XKR6: variants seen among roughly 807,000 people sequenced by gnomAD.
XKR6 encodes XK-related protein 6.
A neutral mutation model predicts 56.7 loss-of-function variants in XKR6; 22 were observed. The ratio of observed to expected loss-of-function variants is 0.39; its 90% CI spans 0.28 to 0.55. The LOEUF (loss-of-function observed/expected upper bound fraction) is 0.55, where lower values mean the gene tolerates loss of function less well. Among genes scored for constraint, XKR6 ranks in the 20% least tolerant of loss-of-function variants. XKR6 has a pLI of 0.66. For synonymous variants in XKR6, 524 were observed against 387.8 expected (o/e 1.35, Z -4.13); for missense variants, 852 against 889.0 (o/e 0.96, Z 0.53).
chr8:11,097,821 A>AAAAAG (rs1798316493), intron 1 of XKR6, among the ~76,000 whole-genome samples: 1 of 151,344 alleles, frequency 6.6e-6, no homozygotes, highest in Non-Finnish European at 1.5e-5. Flanking sequence ...AAAAAAAAAA[A>AAAAAG]AAAAAAATTA....
intron 1 of XKR6, among the ~76,000 whole-genome samples, chr8:11,078,866 C>T (rs1379732139): frequency 6.6e-6 from 1 of 152,208 alleles, no homozygotes; most frequent in African/African-American, 2.4e-5. Context: ...GCAAGGCCTC[C>T]CAAGGGGGGC....
chr8:11,113,328 T>A (rs907313845), intron 1 of XKR6, among the ~76,000 whole-genome samples: 2 of 152,182 alleles, frequency 1.3e-5, no homozygotes, highest in Admixed American at 1.3e-4. Context: ...TACCTCAACA[T>A]ATTTAAAAGG....
chr8:11,062,599 T>G, intron 1 of XKR6: 1 of 372,120 alleles, frequency 2.7e-6, no homozygotes, highest in South Asian at 2.1e-5. Flanking sequence ...AGGGAGAGCT[T>G]CTAGTTAAAA....
At chr8:11,190,205 A>C (rs906066864) in intron 1 of XKR6, among the ~76,000 whole-genome samples, 31 of 41,174 alleles carry the variant, frequency 7.5e-4, no homozygotes, top group Non-Finnish European at 1.3e-3. Context: ...GAAAGAAAGA[A>C]AAGAAAGAAA....
At chr8:11,179,404 T>C (rs1321782204) in intron 1 of XKR6, among the ~76,000 whole-genome samples, 2 of 152,158 alleles carry the variant, frequency 1.3e-5, no homozygotes, top group Admixed American at 1.3e-4. Flanking sequence ...CATTTCAAAG[T>C]CAAGAGATTA....
At chr8:11,024,271 T>C (rs1563352382) in intron 1 of XKR6, among the ~76,000 whole-genome samples, 1 of 145,168 alleles carries the variant, frequency 6.9e-6, no homozygotes, top group Admixed American at 7.0e-5. Context: ...ATCCAAGTGT[T>C]TACTTCCTTT....
intron 1 of XKR6, among the ~76,000 whole-genome samples, chr8:11,116,964 T>A (rs187518395): frequency 6.6e-6 from 1 of 152,316 alleles, no homozygotes; most frequent in East Asian, 1.9e-4. Context: ...ATATACTTAG[T>A]CTTAACTTTT....
intron 1 of XKR6, among the ~76,000 whole-genome samples, chr8:10,937,912 G>A (rs1051424092): frequency 2.0e-5 from 3 of 151,826 alleles, no homozygotes; most frequent in Admixed American, 6.5e-5. Flanking sequence ...GCCTCCTTGA[G>A]CTGTGGTGGG....
rs540852288 is a variant in XKR6, at chr8:11,175,870, CT to C, written c.764+24705del. Among the ~76,000 whole-genome samples, 115 of 152,232 alleles carry C rather than the reference CT, an allele frequency of 7.6e-4. 1 individual carries two copies. In the Middle Eastern group the frequency reaches 0.01, roughly 14 times the overall value. The stretch of plus-strand genomic sequence containing the variant: ...CTAATCAGCATTCATCATGATCCAT[CT>C]TTTTTTATTACAAACAGCATAATCC... On this transcript the variant is annotated intron_variant, in intron 1 of 2. Coordinates refer to ENST00000416569, the MANE Select transcript of XKR6 (RefSeq NM_173683.4).
intron 2 of XKR6, among the ~76,000 whole-genome samples, chr8:10,899,381 C>T (rs1799974639): frequency 6.6e-6 from 1 of 152,218 alleles, no homozygotes; most frequent in Non-Finnish European, 1.5e-5. Context: ...CCCTGAATTC[C>T]ACACTGTTCT....
At chr8:10,959,963 C>G (rs1209752470) in intron 1 of XKR6, among the ~76,000 whole-genome samples, 4 of 152,136 alleles carry the variant, frequency 2.6e-5, no homozygotes, top group Non-Finnish European at 5.9e-5. Flanking sequence ...TAAGGCAGCA[C>G]TCACACTCAG....
chr8:10,967,778 T>A (rs545228712), intron 1 of XKR6, among the ~76,000 whole-genome samples: 1 of 152,182 alleles, frequency 6.6e-6, no homozygotes, highest in Non-Finnish European at 1.5e-5. Flanking sequence ...TCTGCATTTG[T>A]TTTCCAGGAG....
chr8:11,068,701 T>C (rs1800042739), intron 1 of XKR6, among the ~76,000 whole-genome samples: 1 of 152,108 alleles, frequency 6.6e-6, no homozygotes, highest in Non-Finnish European at 1.5e-5. Flanking sequence ...AGAGAGAGGC[T>C]TCCCAGGAAC....
intron 1 of XKR6, chr8:11,137,037 A>G (rs1800436398): frequency 6.6e-6 from 1 of 152,612 alleles, no homozygotes; most frequent in South Asian, 2.1e-4. Flanking sequence ...AGAAGACACT[A>G]TGTTGCTTAC....
At chr8:11,001,305 G>C (rs1029004363) in intron 1 of XKR6, among the ~76,000 whole-genome samples, 2 of 151,950 alleles carry the variant, frequency 1.3e-5, no homozygotes, top group African/African-American at 2.4e-5. Flanking sequence ...ATGTTGTTTA[G>C]GGCCAGCTAG....
At chr8:10,916,974 C>G (rs1439425936) in intron 2 of XKR6, among the ~76,000 whole-genome samples, 2 of 152,066 alleles carry the variant, frequency 1.3e-5, no homozygotes, top group Non-Finnish European at 1.5e-5. Flanking sequence ...ACAAAGATCC[C>G]TAATTGTATC....
intron 1 of XKR6, among the ~76,000 whole-genome samples, chr8:11,126,483 G>A (rs558468568): frequency 2.6e-5 from 4 of 151,998 alleles, no homozygotes; most frequent in Admixed American, 1.3e-4. Flanking sequence ...TTCTAAAAGC[G>A]AATGTGTCAT....
intron 2 of XKR6, among the ~76,000 whole-genome samples, chr8:10,922,756 C>T (rs906932668): frequency 6.6e-6 from 1 of 152,168 alleles, no homozygotes; most frequent in African/African-American, 2.4e-5. Context: ...CAAGGTTTCC[C>T]TGTGTTCCCA....
chr8:11,166,538 G>T (rs924036082), intron 1 of XKR6, among the ~76,000 whole-genome samples: 1 of 152,068 alleles, frequency 6.6e-6, no homozygotes, highest in African/African-American at 2.4e-5. Flanking sequence ...AATATTTAGT[G>T]CATTTAATTT....
Sources: allele counts gnomAD v4.1 joint callset (sites outside exome capture counted in the v4.1 genomes callset), GRCh38; gene constraint gnomAD v4.1.1; transcripts MANE v1.5; gene names NCBI Gene and HGNC (gene_info 2026-07-23, HGNC 2026-07-21).